DSCAM: variants seen among roughly 807,000 people sequenced by gnomAD.
DSCAM encodes DS cell adhesion molecule.
A neutral mutation model predicts 217.7 loss-of-function variants in DSCAM; 47 were observed. That is an observed-to-expected ratio of 0.22 (90% confidence interval 0.17 to 0.28). The LOEUF is 0.28. Ranked by LOEUF, DSCAM falls within the 10% of genes least tolerant of loss-of-function variation. DSCAM has a pLI of 1.00. For synonymous variants in DSCAM, 1,056 were observed against 1,015.3 expected, an observed-to-expected ratio of 1.04 and a Z score of -0.76; for missense variants, 2,080 against 2,618.3, an observed-to-expected ratio of 0.79 and a Z score of 4.49.
chr21:40,412,360 G>A (rs1310209136), intron 3 of DSCAM, among the ~76,000 whole-genome samples: 1 of 152,152 alleles, frequency 6.6e-6, no homozygotes, highest in Non-Finnish European at 1.5e-5. Context: ...AGGAAAATAT[G>A]GGAAAGTTTG....
At chr21:40,106,087 A>T (rs2089815817) in intron 20 of DSCAM, among the ~76,000 whole-genome samples, 1 of 152,226 alleles carries the variant, frequency 6.6e-6, no homozygotes, top group Non-Finnish European at 1.5e-5. Flanking sequence ...AGGCTTTAAA[A>T]TCATGGCAGA....
chr21:40,056,434 C>A (rs552146211), intron 28 of DSCAM, among the ~76,000 whole-genome samples: 2 of 151,276 alleles, frequency 1.3e-5, no homozygotes, highest in South Asian at 4.1e-4. Context: ...AATTTAATCT[C>A]AAAATTTGTG....
intron 3 of DSCAM, among the ~76,000 whole-genome samples, chr21:40,611,600 G>T (rs867392919): frequency 8.5e-5 from 13 of 152,144 alleles, no homozygotes; most frequent in Admixed American, 5.9e-4. Context: ...TGTCTCAGGA[G>T]ACTATTATTT....
Position 40,517,430 on chromosome 21 carries a change from C to T in DSCAM, c.509-148185G>A, listed in dbSNP as rs1056960770. On this transcript the variant is annotated intron_variant, in intron 3 of 32. Coordinates refer to ENST00000400454, the MANE Select transcript of DSCAM (RefSeq NM_001389.5). Reference sequence around the variant, plus strand: ...ACACACACACACACACACACACACACACACACAGACACGCATATTTTCTTC... The same window carrying T: ...ACACACACACACACACACACACACATACACACAGACACGCATATTTTCTTC... 2.2e-4 allele frequency among the ~76,000 whole-genome samples: 33 copies of T among 151,432 alleles called. No homozygotes were observed. In the East Asian group the frequency reaches 6.4e-3, roughly 29 times the overall value.
intron 3 of DSCAM, among the ~76,000 whole-genome samples, chr21:40,677,241 CA>C (rs1194280563): frequency 6.6e-6 from 1 of 151,736 alleles, no homozygotes; most frequent in East Asian, 1.9e-4. Context: ...TAAAAAGAAG[CA>C]GAGGAAACCA....
intron 3 of DSCAM, 81 bp from the exon 4 acceptor site, chr21:40,369,326 T>G (rs989949751): frequency 1.4e-6 from 2 of 1,437,666 alleles, no homozygotes; most frequent in African/African-American, 2.9e-5. Context: ...TAAACAGTTT[T>G]TTTTTTCCCC....
At chr21:40,784,223 G>A (rs570402456) in intron 1 of DSCAM, among the ~76,000 whole-genome samples, 1 of 152,198 alleles carries the variant, frequency 6.6e-6, no homozygotes, top group South Asian at 2.1e-4. Flanking sequence ...CCAGTGGGAG[G>A]TAATTGAATC....
intron 1 of DSCAM, among the ~76,000 whole-genome samples, chr21:40,834,447 TAA>T (rs898798886): frequency 6.8e-6 from 1 of 147,214 alleles, no homozygotes; most frequent in African/African-American, 2.5e-5. Context: ...ATAATAATAA[TAA>T]TAATAATAAT....
intron 3 of DSCAM, among the ~76,000 whole-genome samples, chr21:40,446,886 G>A (rs2075679415): frequency 6.6e-6 from 1 of 152,016 alleles, no homozygotes; most frequent in African/African-American, 2.4e-5. Context: ...CTAATGACAG[G>A]GCCAGCCCCA....
intron 3 of DSCAM, among the ~76,000 whole-genome samples, chr21:40,647,007 T>C (rs2089955980): frequency 6.6e-6 from 1 of 152,268 alleles, no homozygotes; most frequent in Non-Finnish European, 1.5e-5. Flanking sequence ...CACAAAGTTG[T>C]TCAAATTTTG....
At chr21:40,813,292 C>G (rs1323300526) in intron 1 of DSCAM, among the ~76,000 whole-genome samples, 1 of 152,120 alleles carries the variant, frequency 6.6e-6, no homozygotes, top group African/African-American at 2.4e-5. Context: ...ACCTATGAGA[C>G]CACACATATG....
chr21:40,424,012 TAATA>T (rs913077842), intron 3 of DSCAM, among the ~76,000 whole-genome samples: 57 of 152,314 alleles, frequency 3.7e-4, no homozygotes, highest in African/African-American at 1.3e-3. Context: ...TTTTCCACTT[TAATA>T]AATAAGCTAA....
At position 40,052,106 on chromosome 21, in the gene DSCAM, A is replaced by G. The variant is rs1432063363; in HGVS notation, c.5037T>C (p.Asp1679=). 1 of 1,613,482 alleles carries G rather than the reference A, an allele frequency of 6.2e-7. No homozygotes were observed. The highest frequency in any genetic ancestry group is 1.3e-5 in the African/African-American group (1 of 74,904). The change falls in exon 30 of 33, where the codon GAT becomes GAC. Residue 1679 remains aspartate (D), a splice_region_variant and synonymous_variant. Transcript: ENST00000400454. ...CCGTCAACAGAACCGTGGAGCGATC[A>G]TCTACAGGATGGCAGGAACACAGAA... ...IEERDTMETI[D]DRSTVLLTDA...
At chr21:40,592,525 C>T (rs1274465116) in intron 3 of DSCAM, among the ~76,000 whole-genome samples, 2 of 152,208 alleles carry the variant, frequency 1.3e-5, no homozygotes, top group Non-Finnish European at 2.9e-5. Context: ...TCCCACTTCA[C>T]TGACCACTTC....
intron 3 of DSCAM, among the ~76,000 whole-genome samples, chr21:40,637,858 A>G (rs2089827584): frequency 6.6e-6 from 1 of 150,826 alleles, no homozygotes. Context: ...GTTTTACAAA[A>G]AACCCCGTAG....
chr21:40,680,184 C>T (rs1453146922), intron 3 of DSCAM, among the ~76,000 whole-genome samples: 1 of 152,146 alleles, frequency 6.6e-6, no homozygotes, highest in Non-Finnish European at 1.5e-5. Flanking sequence ...ATATGACTAA[C>T]TCAAGGTTAC....
intron 3 of DSCAM, among the ~76,000 whole-genome samples, chr21:40,378,830 T>C (rs937366907): frequency 2.0e-5 from 3 of 151,944 alleles, no homozygotes; most frequent in African/African-American, 7.2e-5. Context: ...CCTGACCTCG[T>C]GATCCGCCCG....
intron 3 of DSCAM, among the ~76,000 whole-genome samples, chr21:40,675,368 G>A (rs1304526321): frequency 6.7e-6 from 1 of 149,018 alleles, no homozygotes; most frequent in Non-Finnish European, 1.5e-5. Context: ...AGAATTATGG[G>A]TTCACACAGT....
chr21:40,477,414 C>T (rs1327277858), intron 3 of DSCAM, among the ~76,000 whole-genome samples: 3 of 152,016 alleles, frequency 2.0e-5, no homozygotes, highest in Admixed American at 2.0e-4. Flanking sequence ...TTTTTCTGAT[C>T]GTCTTTTCTA....
Sources: allele counts gnomAD v4.1 joint callset (sites outside exome capture counted in the v4.1 genomes callset), GRCh38; gene constraint gnomAD v4.1.1; transcripts MANE v1.5; gene names NCBI Gene and HGNC (gene_info 2026-07-23, HGNC 2026-07-21).